The following CDH8 variants were observed in gnomAD, a reference collection of about 807,000 sequenced individuals.
CDH8 encodes the protein cadherin 8, also known as cadherin-8.
In CDH8, 17 loss-of-function variants were observed where a neutral mutation model predicts 68.1. The observed-to-expected ratio is 0.25, with a 90% CI of 0.17 to 0.37. The LOEUF (loss-of-function observed/expected upper bound fraction) is 0.37, where lower values mean the gene tolerates loss of function less well. Ranked by LOEUF, CDH8 falls within the 10% of genes least tolerant of loss-of-function variation. The pLI is 1.00. For synonymous variants in CDH8, 372 were observed against 365.1 expected, an observed-to-expected ratio of 1.02 and a Z score of -0.21; for missense variants, 763 against 999.3, an observed-to-expected ratio of 0.76 and a Z score of 3.19.
chr16:61,785,033 A>G (rs1316429076), intron 8 of CDH8, among the ~76,000 whole-genome samples: 1 of 147,718 alleles, frequency 6.8e-6, no homozygotes, highest in Non-Finnish European at 1.5e-5. Flanking sequence ...AAGAACTAGA[A>G]AAGCAAGAGC....
intron 10 of CDH8, among the ~76,000 whole-genome samples, chr16:61,687,648 C>T (rs1187318589): frequency 6.6e-6 from 1 of 152,124 alleles, no homozygotes; most frequent in African/African-American, 2.4e-5. Flanking sequence ...TAAGAAACAC[C>T]TATTAACACA....
At chr16:61,674,994 T>C (rs1963872862) in intron 10 of CDH8, among the ~76,000 whole-genome samples, 1 of 147,430 alleles carries the variant, frequency 6.8e-6, no homozygotes, top group Non-Finnish European at 1.5e-5. Flanking sequence ...TGGTCTGATA[T>C]ACGTGTAATC....
At chr16:61,800,854 T>C (rs537722060) in intron 7 of CDH8, among the ~76,000 whole-genome samples, 30 of 152,300 alleles carry the variant, frequency 2.0e-4, no homozygotes, top group Middle Eastern at 3.4e-3. Flanking sequence ...TAATACATCA[T>C]GTCAAACCAG....
chr16:61,709,791 T>C (rs1964597863), intron 10 of CDH8, among the ~76,000 whole-genome samples: 2 of 152,150 alleles, frequency 1.3e-5, no homozygotes, highest in South Asian at 4.1e-4. Context: ...GCTATTTCTG[T>C]GGCTGATAAA....
Position 61,891,237 on chromosome 16 carries a change from T to C in CDH8, c.547+9942A>G, listed in dbSNP as rs553044228. ...TATTTTTCTGTTATAAGTTAATTCCTTAATAAAATGTAATATTATAATTTA... is the reference window on the plus strand; with the variant it reads ...TATTTTTCTGTTATAAGTTAATTCCCTAATAAAATGTAATATTATAATTTA... On this transcript the variant is annotated intron_variant, in intron 3 of 11. Transcript: ENST00000577390. 1.4e-4 allele frequency among the ~76,000 whole-genome samples: 22 copies of C among 152,256 alleles called. No homozygotes were observed. In the South Asian group the frequency reaches 4.3e-3, roughly 30 times the overall value.
At chr16:61,668,706 G>A (rs1963730503) in intron 10 of CDH8, among the ~76,000 whole-genome samples, 1 of 150,734 alleles carries the variant, frequency 6.6e-6, no homozygotes, top group African/African-American at 2.4e-5. Flanking sequence ...GCCTTTAGTG[G>A]AATTTCTTGT....
At chr16:61,687,695 G>C (rs953094381) in intron 10 of CDH8, among the ~76,000 whole-genome samples, 1 of 151,860 alleles carries the variant, frequency 6.6e-6, no homozygotes, top group Non-Finnish European at 1.5e-5. Context: ...CAGACTTTTC[G>C]GGTTTAAATC....
chr16:61,683,787 A>ATTGT (rs2142808350), intron 10 of CDH8, among the ~76,000 whole-genome samples: 1 of 152,138 alleles, frequency 6.6e-6, no homozygotes, highest in African/African-American at 2.4e-5. Context: ...TTGTTGCTCA[A>ATTGT]TGGCAATTTC....
intron 2 of CDH8, among the ~76,000 whole-genome samples, chr16:61,965,278 C>G (rs1965228181): frequency 6.6e-6 from 1 of 152,150 alleles, no homozygotes; most frequent in South Asian, 2.1e-4. Flanking sequence ...TATTCGCAGC[C>G]AATTTCCCAT....
chr16:61,904,895 C>G lies in CDH8; in HGVS notation c.253-3422G>C, dbSNP rs575109924. ...AACACTGCCCTGTCAACATATCCACCCAGAACCCTTTGTCAGATCAGCAGT... is the reference window on the plus strand; with the variant it reads ...AACACTGCCCTGTCAACATATCCACGCAGAACCCTTTGTCAGATCAGCAGT... On this transcript the variant is annotated intron_variant, in intron 2 of 11. Coordinates refer to ENST00000577390, the MANE Select transcript of CDH8 (RefSeq NM_001796.5). Among the ~76,000 whole-genome samples, 11 of 152,322 alleles carry G rather than the reference C, an allele frequency of 7.2e-5. 1 individual carries two copies. The South Asian group carries it at 1.2e-3, about 17-fold the overall frequency.
chr16:61,697,787 A>G (rs1964355495), intron 10 of CDH8, among the ~76,000 whole-genome samples: 1 of 152,244 alleles, frequency 6.6e-6, no homozygotes, highest in Non-Finnish European at 1.5e-5. Flanking sequence ...CATTGTGGCC[A>G]GCCCCTTCTG....
chr16:61,794,030 T>C (rs1177355885), intron 7 of CDH8, among the ~76,000 whole-genome samples: 1 of 152,062 alleles, frequency 6.6e-6, no homozygotes, highest in Non-Finnish European at 1.5e-5. Flanking sequence ...GACACCTAAA[T>C]ATTAAAATGC....
At chr16:61,850,071 G>A (rs774947721) in intron 4 of CDH8, among the ~76,000 whole-genome samples, 23 of 152,126 alleles carry the variant, frequency 1.5e-4, no homozygotes, top group Admixed American at 1.5e-3. Flanking sequence ...TTGCTATAAA[G>A]GAATACCTGA....
intron 3 of CDH8, among the ~76,000 whole-genome samples, chr16:61,870,180 C>A (rs1963330285): frequency 6.6e-6 from 1 of 152,136 alleles, no homozygotes; most frequent in African/African-American, 2.4e-5. Flanking sequence ...GTTTTTATCA[C>A]AAATTTCCAA....
At chr16:61,722,694 T>A (rs1482985213) in intron 9 of CDH8, among the ~76,000 whole-genome samples, 1 of 150,786 alleles carries the variant, frequency 6.6e-6, no homozygotes, top group Non-Finnish European at 1.5e-5. Context: ...TTTAGAGCCA[T>A]GATTCTAAGA....
intron 8 of CDH8, among the ~76,000 whole-genome samples, chr16:61,750,054 C>A (rs1596930012): frequency 1.3e-5 from 2 of 152,124 alleles, no homozygotes; most frequent in East Asian, 3.9e-4. Context: ...AACCCTTTGT[C>A]CCCCTGTCTC....
chr16:61,653,908 A>T lies in CDH8; in HGVS notation c.2100T>A (p.Ile700=). The T allele has an allele frequency of 1.2e-6, 2 of 1,614,208 alleles. No individual in the cohort carries two copies. The highest frequency in any genetic ancestry group is 1.7e-6 in the Non-Finnish European group (2 of 1,180,024). ...TTGGCATAAACTGCAAATCTGGTTT[A>T]ATATCCTTACGGGGTAAAAATCCAT... is the stretch of plus-strand genomic sequence containing the variant. ...GINGFLPRKD[I]KPDLQFMPRQ... The change falls in exon 12 of 12, where the codon ATT becomes ATA. Residue 700 remains isoleucine, a synonymous_variant. Coordinates refer to ENST00000577390, the MANE Select transcript of CDH8 (RefSeq NM_001796.5).
At chr16:61,962,195 A>G (rs1043991146) in intron 2 of CDH8, among the ~76,000 whole-genome samples, 1 of 152,160 alleles carries the variant, frequency 6.6e-6, no homozygotes, top group African/African-American at 2.4e-5. Flanking sequence ...TTGCTGTCGC[A>G]GAAGTGGCAG....
At chr16:61,720,646 T>A (rs2142880701) in intron 9 of CDH8, among the ~76,000 whole-genome samples, 1 of 150,814 alleles carries the variant, frequency 6.6e-6, no homozygotes, top group African/African-American at 2.4e-5. Context: ...TTCCAGCTAA[T>A]TTTTTTTAAA....
Sources: gnomAD v4.1 joint callset for allele counts (sites outside exome capture counted in the v4.1 genomes callset) on GRCh38, gnomAD v4.1.1 for gene constraint, MANE v1.5 for transcripts, NCBI Gene and HGNC (gene_info 2026-07-23, HGNC 2026-07-21) for gene names.